The following GABRB3 variants were observed in gnomAD, a reference collection of about 807,000 sequenced individuals.
The protein encoded by GABRB3 is gamma-aminobutyric acid type A receptor subunit beta3.
In GABRB3, 14 loss-of-function variants were observed where a neutral mutation model predicts 52.1. That is an observed-to-expected ratio of 0.27 (90% confidence interval 0.18 to 0.42). The LOEUF is 0.42. Ranked by LOEUF, GABRB3 falls within the 10% of genes least tolerant of loss-of-function variation. The pLI is 1.00. For synonymous variants in GABRB3, 260 were observed against 232.3 expected (o/e 1.12, Z -1.08); for missense variants, 307 against 609.1 (o/e 0.50, Z 5.22).
At chr15:26,577,677 G>A (rs1341318243) in intron 6 of GABRB3, among the ~76,000 whole-genome samples, 2 of 152,220 alleles carry the variant, frequency 1.3e-5, no homozygotes, top group Non-Finnish European at 2.9e-5. Context: ...GTAACGACCT[G>A]TAGGTCAATG....
chr15:26,703,869 C>G lies in GABRB3; in HGVS notation c.240+68533G>C, dbSNP rs961153486. Among the ~76,000 whole-genome samples the G allele has an allele frequency of 5.5e-4, 84 of 152,294 alleles. 1 individual carries two copies. Among genetic ancestry groups the G allele is most frequent in the African/African-American group, 1.8e-3 (76 of 41,564 alleles). ...TGAACCCCCAAAGCCCTGGGCAGCC[C>G]CACTTTGCTGGCTTTGCGGGACCCA... On this transcript the variant is annotated intron_variant, in intron 3 of 8. Coordinates refer to ENST00000311550, the MANE Select transcript of GABRB3 (RefSeq NM_000814.6).
intron 3 of GABRB3, among the ~76,000 whole-genome samples, chr15:26,678,950 C>T (rs557440880): frequency 6.6e-6 from 1 of 152,254 alleles, no homozygotes; most frequent in Non-Finnish European, 1.5e-5. Flanking sequence ...CTCAACTATA[C>T]AGACAGAGTG....
At chr15:26,583,230 T>C (rs984664757) in intron 5 of GABRB3, 102 bp downstream of exon 5, 2 of 896,282 alleles carry the variant, frequency 2.2e-6, no homozygotes, top group East Asian at 2.5e-5. Context: ...CCTCTTTCTA[T>C]GTCAAAAAAA....
At chr15:26,709,515 C>CTTTTTTTTTTTTTTTTTTTTTTTTTT (rs57044167) in intron 3 of GABRB3, among the ~76,000 whole-genome samples, 1 of 92,004 alleles carries the variant, frequency 1.1e-5, no homozygotes, top group Non-Finnish European at 2.1e-5. Flanking sequence ...TTTTTTCTTT[C>CTTTTTTTTTTTTTTTTTTTTTTTTTT]TTTTTTTTTT....
At position 26,580,398 on chromosome 15, in the gene GABRB3, G is replaced by A. The variant is rs75965657; in HGVS notation, c.603C>T (p.Thr201=). 6,117 of 1,614,086 alleles carry A rather than the reference G, an allele frequency of 3.8e-3. 124 individuals are homozygous for A. In the African/African-American group the frequency reaches 0.057, roughly 15 times the overall value. ...GCGGGAGCTCAATCCTTTCCACTCC[G>A]GTAACAGCCTTGTCCCCGCCTCGCC... is the stretch of plus-strand genomic sequence containing the variant. ...FYWRGGDKAV[T]GVERIELPQF... Residue 201 remains threonine, a synonymous_variant, in exon 6 of 9, where the codon ACC becomes ACT. Transcript: ENST00000311550.
At chr15:26,691,163 C>T (rs1888575699) in intron 3 of GABRB3, among the ~76,000 whole-genome samples, 1 of 152,024 alleles carries the variant, frequency 6.6e-6, no homozygotes, top group South Asian at 2.1e-4. Context: ...GCTCTCCCTG[C>T]TCTGTTTTCA....
chr15:26,632,911 A>G (rs1940965048), intron 3 of GABRB3, among the ~76,000 whole-genome samples: 1 of 152,212 alleles, frequency 6.6e-6, no homozygotes, highest in African/African-American at 2.4e-5. Context: ...TCTTGTCTCA[A>G]GAGCAGGGCC....
chr15:26,597,863 G>A (rs1891453001), intron 4 of GABRB3, among the ~76,000 whole-genome samples: 1 of 152,168 alleles, frequency 6.6e-6, no homozygotes, highest in Admixed American at 6.5e-5. Context: ...TTTAAAATTA[G>A]GGAAGTCATA....
chr15:26,700,077 T>C (rs1888877884), intron 3 of GABRB3, among the ~76,000 whole-genome samples: 1 of 151,206 alleles, frequency 6.6e-6, no homozygotes. Flanking sequence ...AAAAAATCAA[T>C]AAACCTTTAC....
intron 3 of GABRB3, among the ~76,000 whole-genome samples, chr15:26,761,898 G>A (rs1474159382): frequency 2.0e-5 from 3 of 152,080 alleles, no homozygotes; most frequent in African/African-American, 4.8e-5. Context: ...GCAGTGGCGC[G>A]ATCTCAGTTC....
intron 7 of GABRB3, among the ~76,000 whole-genome samples, chr15:26,565,470 C>T (rs1006285151): frequency 6.6e-6 from 1 of 152,152 alleles, no homozygotes; most frequent in Non-Finnish European, 1.5e-5. Flanking sequence ...TCCCAGAGCA[C>T]AAGCGTCAAT....
At chr15:26,638,009 G>A (rs900602788) in intron 3 of GABRB3, among the ~76,000 whole-genome samples, 8 of 152,058 alleles carry the variant, frequency 5.3e-5, no homozygotes, top group African/African-American at 1.9e-4. Flanking sequence ...ACTCTTAGCC[G>A]GGACTTCCTA....
intron 6 of GABRB3, among the ~76,000 whole-genome samples, chr15:26,573,823 G>A (rs1253031299): frequency 6.6e-6 from 1 of 152,194 alleles, no homozygotes; most frequent in Non-Finnish European, 1.5e-5. Context: ...GCCAGGGCGG[G>A]AGGATTGCTT....
intron 3 of GABRB3, among the ~76,000 whole-genome samples, chr15:26,672,023 G>A (rs1887915105): frequency 6.6e-6 from 1 of 151,954 alleles, no homozygotes; most frequent in Non-Finnish European, 1.5e-5. Context: ...AGAAAAATTT[G>A]GAATAATTAC....
chr15:26,577,994 A>G (rs1362010543), intron 6 of GABRB3, among the ~76,000 whole-genome samples: 1 of 152,086 alleles, frequency 6.6e-6, no homozygotes, highest in Non-Finnish European at 1.5e-5. Context: ...ACTGTGTTTC[A>G]CAGGCTGGGC....
intron 3 of GABRB3, among the ~76,000 whole-genome samples, chr15:26,768,644 C>T (rs1171504504): frequency 2.0e-5 from 3 of 152,014 alleles, no homozygotes; most frequent in East Asian, 1.9e-4. Context: ...ATTGGACATA[C>T]GCAATCTCAC....
rs113362374 is a variant in GABRB3, at chr15:26,633,858, A to G, written c.241-12324T>C. On this transcript the variant is annotated intron_variant, in intron 3 of 8. Coordinates refer to ENST00000311550, the MANE Select transcript of GABRB3 (RefSeq NM_000814.6). ...TTTCTAAACCAAAGTATAAAAGAAA[A>G]TCTAGCCCCTTCTTCAGGGCTGAAA... Among the ~76,000 whole-genome samples the G allele has an allele frequency of 2.3e-4, 35 of 152,346 alleles. 1 individual carries two copies. Among genetic ancestry groups the G allele is most frequent in the African/African-American group, 7.9e-4 (33 of 41,584 alleles).
intron 4 of GABRB3, among the ~76,000 whole-genome samples, chr15:26,589,046 C>T (rs373240286): frequency 1.3e-5 from 2 of 152,162 alleles, no homozygotes; most frequent in African/African-American, 4.8e-5. Flanking sequence ...CCTTAGAGAC[C>T]GTTCCCTGCA....
At chr15:26,629,306 A>C in intron 3 of GABRB3, 1 of 743,218 alleles carries the variant, frequency 1.3e-6, no homozygotes, top group Non-Finnish European at 2.0e-6. Context: ...CGTAGCGGAA[A>C]AGGCGTGGCC....
Sources: gnomAD v4.1 joint callset for allele counts (sites outside exome capture counted in the v4.1 genomes callset) on GRCh38, gnomAD v4.1.1 for gene constraint, MANE v1.5 for transcripts, NCBI Gene and HGNC (gene_info 2026-07-23, HGNC 2026-07-21) for gene names.